RAD9A: variants seen among roughly 807,000 people sequenced by gnomAD.
RAD9A encodes the protein RAD9 checkpoint clamp component A, also known as cell cycle checkpoint control protein RAD9A.
RAD9A carries 25 observed loss-of-function variants against 41.2 expected under a neutral mutation model. That is an observed-to-expected ratio of 0.61 (90% CI 0.44 to 0.85). The LOEUF (loss-of-function observed/expected upper bound fraction) is 0.85. Among genes scored for constraint, RAD9A ranks in the 40% least tolerant of loss-of-function variants. RAD9A has a pLI of 0.00. For synonymous variants in RAD9A, 252 were observed against 210.6 expected (o/e 1.20, Z -1.70); for missense variants, 514 against 518.3 (o/e 0.99, Z 0.08).
In RAD9A at chr11:67,397,950, A is replaced by G. The variant is rs140453189; in HGVS notation, c.*391A>G. 24 of 231,046 alleles carry G rather than the reference A, an allele frequency of 1.0e-4. No individual in the cohort carries two copies. The highest frequency in any genetic ancestry group is 1.7e-4 in the Non-Finnish European group (20 of 117,508). The allele number at this position is 231,046 out of a possible 1,614,324, so 14.3% of individuals were successfully genotyped here. A position where few individuals can be genotyped will look rare whatever the true frequency, so the allele number is the denominator to read the frequency against. ...CCCTGGTGATCCAGCTTCTCTGCCA[A>G]TCATGACCTGTTCCTTCCTGAAGTC... On this transcript the variant is annotated 3_prime_UTR_variant, in exon 11 of 11. Coordinates refer to ENST00000307980, the MANE Select transcript of RAD9A (RefSeq NM_004584.3).
intron 1 of RAD9A, 40 bp downstream of exon 1, chr11:67,392,118 G>C (rs1220543184): frequency 1.2e-6 from 2 of 1,606,680 alleles, no homozygotes; most frequent in African/African-American, 2.7e-5. Context: ...TGCAGCAGCC[G>C]CGGAGCCGCC....
chr11:67,393,480 G>T lies in RAD9A; in HGVS notation c.235-16G>T. On this transcript the variant is annotated splice_polypyrimidine_tract_variant and intron_variant, in intron 3 of 10. Coordinates refer to ENST00000307980, the MANE Select transcript of RAD9A (RefSeq NM_004584.3). ...CAGAGATGTGATGCTAGGCTGAGGT[G>T]TCTTATCCCATGCAGTCTTTCCTGT... is the stretch of plus-strand genomic sequence containing the variant. 6.2e-7 allele frequency: 1 copy of T among 1,613,938 alleles called. No homozygotes were observed. The highest frequency in any genetic ancestry group is 8.5e-7 in the Non-Finnish European group (1 of 1,179,926).
rs2134957907 is a variant in RAD9A at position 67,396,134 on chromosome 11, A to G, written c.693A>G (p.Ser231=). ...AGGGGCTCCTGAGCTTTGCAGAGTC[A>G]GCAAACTTGAATCTTAGCATTCATT... is the stretch of plus-strand genomic sequence containing the variant. ...EFRGLLSFAE[S]ANLNLSIHFD... is the part of the protein sequence containing the mutation. Residue 231 remains serine (S), a synonymous_variant, in exon 8 of 11, where the codon TCA becomes TCG. Coordinates refer to ENST00000307980, the MANE Select transcript of RAD9A (RefSeq NM_004584.3). The G allele has an allele frequency of 6.2e-7, 1 of 1,614,030 alleles. No individual in the cohort carries two copies. The highest frequency in any genetic ancestry group is 8.5e-7 in the Non-Finnish European group (1 of 1,179,890).
At chr11:67,392,823 G>T in intron 3 of RAD9A, 41 bp downstream of exon 3, 1 of 1,606,906 alleles carries the variant, frequency 6.2e-7, no homozygotes, top group South Asian at 1.1e-5. Flanking sequence ...TCCACCCCAG[G>T]AATCTCCACC....
Position 67,397,591 on chromosome 11 carries a change from T to C in RAD9A, c.*32T>C, listed in dbSNP as rs1192752919. 14 of 1,539,526 alleles carry C rather than the reference T, an allele frequency of 9.1e-6. No homozygotes were observed. The highest frequency in any genetic ancestry group is 6.9e-5 in the African/African-American group (5 of 72,896). ...AACCTGAAGCCTGTACCCAGAGGCC[T>C]TGGACTAGACGAAGCCCCAGCCAGT... is the stretch of plus-strand genomic sequence containing the variant. On this transcript the variant is annotated 3_prime_UTR_variant, in exon 11 of 11. Transcript: ENST00000307980.
intron 9 of RAD9A, 26 bp from the exon 10 acceptor site, chr11:67,397,153 C>G: frequency 6.3e-7 from 1 of 1,577,024 alleles, no homozygotes; most frequent in Non-Finnish European, 8.7e-7. Context: ...CCAGTCCCCT[C>G]CCTGATACTC....
intron 2 of RAD9A, 28 bp downstream of exon 2, chr11:67,392,259 T>TGGGGGGGGGGGGGG: frequency 6.2e-6 from 3 of 484,302 alleles, no homozygotes; most frequent in Non-Finnish European, 1.2e-5. Context: ...GGGGGGCGGG[T>TGGGGGGGGGGGGGG]GGGACTCCAG....
In RAD9A at chr11:67,395,918, C is replaced by T. The variant is rs769003352; in HGVS notation, c.566C>T (p.Thr189Ile). The change falls in exon 7 of 11, where the codon ACT (threonine) becomes ATT (isoleucine). Residue 189 changes from threonine (T) to isoleucine (I), a missense_variant. This residue lies in a region of RAD9A where 268 missense variants were observed against 279.3 expected (regional missense o/e 0.96). Coordinates refer to ENST00000307980, the MANE Select transcript of RAD9A (RefSeq NM_004584.3). Reference sequence around the variant, plus strand: ...TCCTGTTCTTCCCCAACAGACAGCACTGCCAAAGCCATGGTGACTGAGATG... The same window carrying T: ...TCCTGTTCTTCCCCAACAGACAGCATTGCCAAAGCCATGGTGACTGAGATG... Reference protein sequence around the residue: ...RSYHEEEADSTAKAMVTEMCL... With the variant: ...RSYHEEEADSIAKAMVTEMCL... 6.2e-7 allele frequency: 1 copy of T among 1,614,176 alleles called. No individual in the cohort carries two copies.
rs531595196 is a variant in RAD9A at position 67,397,569 on chromosome 11, C to T, written c.*10C>T. The T allele has an allele frequency of 1.3e-6, 2 of 1,584,616 alleles. No homozygotes were observed. Among genetic ancestry groups the T allele is most frequent in the Non-Finnish European group, 1.7e-6 (2 of 1,156,146 alleles). The stretch of plus-strand genomic sequence containing the variant: ...TGAGGGTGAAGGCTGAACCAAGAAC[C>T]TGAAGCCTGTACCCAGAGGCCTTGG... On this transcript the variant is annotated 3_prime_UTR_variant, in exon 11 of 11. Transcript: ENST00000307980.
rs201998597 is a variant in RAD9A, at chr11:67,393,617, G to A, written c.349+7G>A. The A allele has an allele frequency of 7.4e-5, 120 of 1,614,092 alleles. No individual in the cohort carries two copies. In the African/African-American group the frequency reaches 1.4e-3, roughly 19 times the overall value. ...CAGCTGCATTGCAAGTTCGGTGAGT[G>A]GGCAGCCGGCCAGCCAAGGGGTGCC... On this transcript the variant is annotated splice_region_variant and intron_variant, in intron 4 of 10. Transcript: ENST00000307980.
intron 3 of RAD9A, 108 bp downstream of exon 3, chr11:67,392,890 G>A: frequency 1.4e-6 from 2 of 1,422,690 alleles, no homozygotes; most frequent in Admixed American, 1.9e-5. Context: ...AGAGACACGT[G>A]CAAGCCCAAT....
Position 67,393,621 on chromosome 11 carries a change from A to T in RAD9A, c.349+11A>T, listed in dbSNP as rs1030024246. 1 of 1,614,044 alleles carries T rather than the reference A, an allele frequency of 6.2e-7. No individual in the cohort carries two copies. Among genetic ancestry groups the T allele is most frequent in the Non-Finnish European group, 8.5e-7 (1 of 1,179,922 alleles). ...TGCATTGCAAGTTCGGTGAGTGGGC[A>T]GCCGGCCAGCCAAGGGGTGCCTCAG... is the stretch of plus-strand genomic sequence containing the variant. On this transcript the variant is annotated intron_variant, in intron 4 of 10. Coordinates refer to ENST00000307980, the MANE Select transcript of RAD9A (RefSeq NM_004584.3).
In RAD9A at chr11:67,397,480, T is replaced by C; in HGVS notation, c.1097T>C (p.Phe366Ser). The C allele has an allele frequency of 1.9e-6, 3 of 1,611,954 alleles. No homozygotes were observed. The highest frequency in any genetic ancestry group is 2.5e-6 in the Non-Finnish European group (3 of 1,178,434). Residue 366 changes from phenylalanine to serine, a missense_variant, in exon 11 of 11, where the codon TTC becomes TCC. This residue lies in a region of RAD9A where 216 missense variants were observed against 184.2 expected (regional missense o/e 1.17). Coordinates refer to ENST00000307980, the MANE Select transcript of RAD9A (RefSeq NM_004584.3). ...TCTTTCCAGTTCCGCTCACTGTTCT[T>C]CGGCTCCATCCTGGCCCCTGTACGC... ...PPPKKFRSLF[F>S]GSILAPVRSP...
intron 9 of RAD9A, among the ~76,000 whole-genome samples, chr11:67,396,899 T>C (rs1227091099): frequency 6.6e-6 from 1 of 152,082 alleles, no homozygotes; most frequent in African/African-American, 2.4e-5. Flanking sequence ...GCCCAGTTCA[T>C]AAGACTTGCT....
At chr11:67,393,651 G>C (rs1406676248) in intron 4 of RAD9A, 40 bp from the exon 5 acceptor site, 1 of 1,613,112 alleles carries the variant, frequency 6.2e-7, no homozygotes, top group Non-Finnish European at 8.5e-7. Flanking sequence ...CCTCAGCAGG[G>C]AGGTCGGCGA....
rs1311212242 is a variant in RAD9A at position 67,397,617 on chromosome 11, G to A, written c.*58G>A. On this transcript the variant is annotated 3_prime_UTR_variant, in exon 11 of 11. Coordinates refer to ENST00000307980, the MANE Select transcript of RAD9A (RefSeq NM_004584.3). ...TGGACTAGACGAAGCCCCAGCCAGT[G>A]GCAGAACTGGGTCTCTCAGCCCTGG... is the stretch of plus-strand genomic sequence containing the variant. 6 of 1,430,730 alleles carry A rather than the reference G, an allele frequency of 4.2e-6. No homozygotes were observed. Among genetic ancestry groups the A allele is most frequent in the Non-Finnish European group, 5.8e-6 (6 of 1,037,782 alleles). The allele number at this position is 1,430,730 out of a possible 1,614,324, so 88.6% of individuals were successfully genotyped here.
At position 67,396,403 on chromosome 11, in the gene RAD9A, G is replaced by C. The variant is rs766752523; in HGVS notation, c.872+3G>C. ...GTGCCTCAGCTCCAGGCTCACAGGT[G>C]AGGGCACCTCCCCCCAACTCCTCCT... On this transcript the variant is annotated splice_donor_region_variant and intron_variant, in intron 9 of 10. Coordinates refer to ENST00000307980, the MANE Select transcript of RAD9A (RefSeq NM_004584.3). The C allele has an allele frequency of 6.2e-7, 1 of 1,613,510 alleles. No homozygotes were observed. The highest frequency in any genetic ancestry group is 1.1e-5 in the South Asian group (1 of 91,064).
Position 67,398,260 on chromosome 11 carries a change from A to G in RAD9A, c.*701A>G. ...CCGGCTGCCAGCCCTGAGGCCAAGC[A>G]CGGCTGGAGACCCACGACCTGGCCT... On this transcript the variant is annotated 3_prime_UTR_variant, in exon 11 of 11. Transcript: ENST00000307980. The G allele has an allele frequency of 2.1e-6, 1 of 481,190 alleles. No homozygotes were observed. The highest frequency in any genetic ancestry group is 3.7e-6 in the Non-Finnish European group (1 of 269,794). The allele number at this position is 481,190 out of a possible 1,614,324, so 29.8% of individuals were successfully genotyped here. A position where few individuals can be genotyped will look rare whatever the true frequency, so the allele number is the denominator to read the frequency against.
At position 67,396,140 on chromosome 11, in the gene RAD9A, C is replaced by G; in HGVS notation, c.699C>G (p.Asn233Lys). ...TCCTGAGCTTTGCAGAGTCAGCAAA[C>G]TTGAATCTTAGCATTCATTTTGATG... ...RGLLSFAESA[N>K]LNLSIHFDAP... The change falls in exon 8 of 11, where the codon AAC becomes AAG. Residue 233 changes from asparagine to lysine, a missense_variant. By Grantham distance (94) the Asn-to-Lys change is moderately conservative (BLOSUM62 0). Coordinates refer to ENST00000307980, the MANE Select transcript of RAD9A (RefSeq NM_004584.3). 2 of 1,614,040 alleles carry G rather than the reference C, an allele frequency of 1.2e-6. No homozygotes were observed. Among genetic ancestry groups the G allele is most frequent in the Non-Finnish European group, 1.7e-6 (2 of 1,179,912 alleles).
Sources: allele counts gnomAD v4.1 joint callset (sites outside exome capture counted in the v4.1 genomes callset), GRCh38; gene constraint gnomAD v4.1.1; regional missense constraint gnomAD v4.1.1; transcripts MANE v1.5; gene names NCBI Gene and HGNC (gene_info 2026-07-23, HGNC 2026-07-21).